ATG7: variants seen among roughly 807,000 people sequenced by gnomAD.
The protein encoded by ATG7 is ubiquitin-like modifier-activating enzyme ATG7.
In ATG7, 70 loss-of-function variants were observed where a neutral mutation model predicts 82.4. That is an observed-to-expected ratio of 0.85 (90% CI 0.70 to 1.04). The LOEUF (loss-of-function observed/expected upper bound fraction) is 1.04, where lower values mean the gene tolerates loss of function less well. Among genes scored for constraint, ATG7 ranks in the 50% least tolerant of loss-of-function variants. ATG7 has a pLI of 0.00. For synonymous variants in ATG7, 287 were observed against 313.0 expected, an observed-to-expected ratio of 0.92 and a Z score of 0.88; for missense variants, 792 against 864.3, an observed-to-expected ratio of 0.92 and a Z score of 1.05.
chr3:11,518,353 T>C (rs1055698857), intron 20 of ATG7, among the ~76,000 whole-genome samples: 1 of 152,014 alleles, frequency 6.6e-6, no homozygotes, highest in South Asian at 2.1e-4. Context: ...CGAGACCAGC[T>C]TGGCCAACAA....
chr3:11,561,804 C>A (rs1390797373), downstream of ATG7, among the ~76,000 whole-genome samples: 1 of 151,844 alleles, frequency 6.6e-6, no homozygotes, highest in African/African-American at 2.4e-5. Context: ...CCACCTGTGA[C>A]TGTCCTCAGA....
At chr3:11,562,749 G>T in the ATG7 span, among the ~76,000 whole-genome samples, 8 of 152,360 alleles carry the variant, frequency 5.3e-5, no homozygotes, top group South Asian at 1.7e-3. Context: ...ACCAACCCCA[G>T]CCGAAAATGA....
chr3:11,284,795 C>G (rs148484466), intron 3 of ATG7, among the ~76,000 whole-genome samples: 1,753 of 150,010 alleles, frequency 0.012, 20 homozygotes, highest in Non-Finnish European at 0.018. Context: ...AGTGATCATC[C>G]TGCTTTGGCC....
chr3:11,565,779 T>A, the ATG7 span, among the ~76,000 whole-genome samples: 1 of 152,180 alleles, frequency 6.6e-6, no homozygotes, highest in African/African-American at 2.4e-5. This position sits in a 1 kb window ranked among gnomAD's most constrained non-coding sequence, Gnocchi z 4.1. Context: ...ACCACCTCCA[T>A]CTGATGTGTT....
chr3:11,502,032 A>G (rs1273128896), intron 20 of ATG7, among the ~76,000 whole-genome samples: 4 of 43,462 alleles, frequency 9.2e-5, no homozygotes, highest in South Asian at 3.2e-3. Context: ...ACATATATAC[A>G]CACATACACA....
chr3:11,443,001 AT>A (rs1285760150), intron 20 of ATG7, among the ~76,000 whole-genome samples: 2 of 152,198 alleles, frequency 1.3e-5, no homozygotes, highest in Non-Finnish European at 2.9e-5. Context: ...TCCCAAAAAA[AT>A]CTGTGTAAAA....
intron 19 of ATG7, among the ~76,000 whole-genome samples, chr3:11,385,446 T>A (rs897272159): frequency 1.3e-5 from 2 of 152,274 alleles, no homozygotes; most frequent in African/African-American, 4.8e-5. Flanking sequence ...TAAACTGTTA[T>A]CTGTTAGCAG....
At chr3:11,364,781 A>G in intron 18 of ATG7, 47 bp downstream of exon 18, 7 of 1,598,200 alleles carry the variant, frequency 4.4e-6, no homozygotes, top group Non-Finnish European at 5.1e-6. Context: ...TACAGGGGGA[A>G]AGCATGTGGG....
intron 18 of ATG7, among the ~76,000 whole-genome samples, chr3:11,379,171 T>G (rs1575859335): frequency 6.6e-6 from 1 of 152,260 alleles, no homozygotes; most frequent in Middle Eastern, 3.4e-3. Flanking sequence ...TCAAATAAAT[T>G]AATTCATAAT....
At chr3:11,292,523 G>C (rs1394779152) in intron 3 of ATG7, among the ~76,000 whole-genome samples, 1 of 152,120 alleles carries the variant, frequency 6.6e-6, no homozygotes, top group Non-Finnish European at 1.5e-5. Flanking sequence ...GCCTCCCAAA[G>C]TGCTAGGATT....
At chr3:11,418,976 A>G in intron 19 of ATG7, among the ~76,000 whole-genome samples, 1 of 151,410 alleles carries the variant, frequency 6.6e-6, no homozygotes, top group Non-Finnish European at 1.5e-5. Flanking sequence ...CTCCCCCCCG[A>G]TCCAGTCACC....
chr3:11,565,738 T>G, the ATG7 span, among the ~76,000 whole-genome samples: 41 of 152,198 alleles, frequency 2.7e-4, 1 homozygote, highest in Non-Finnish European at 8.8e-5. The surrounding 1 kb of genome is among the most constrained non-coding windows in gnomAD (Gnocchi z 4.1). Flanking sequence ...ACCCAGGCGA[T>G]GCCACGTGGA....
At chr3:11,415,153 T>A (rs1432888564) in intron 19 of ATG7, among the ~76,000 whole-genome samples, 2 of 152,242 alleles carry the variant, frequency 1.3e-5, no homozygotes, top group Non-Finnish European at 2.9e-5. Context: ...CAACGGTAAG[T>A]ACTTGTGTAT....
At chr3:11,290,168 C>T (rs1944733678) in intron 3 of ATG7, among the ~76,000 whole-genome samples, 8 of 152,220 alleles carry the variant, frequency 5.3e-5, no homozygotes. Flanking sequence ...CTTAAAAACT[C>T]TCTCATGAAC....
intron 20 of ATG7, among the ~76,000 whole-genome samples, chr3:11,427,287 C>T (rs774811192): frequency 6.6e-6 from 1 of 152,048 alleles, no homozygotes; most frequent in Non-Finnish European, 1.5e-5. Context: ...ACATTGGACT[C>T]CAGCTATGTT....
At chr3:11,560,252 T>G (rs1469337476), downstream of ATG7, among the ~76,000 whole-genome samples, 1 of 152,230 alleles carries the variant, frequency 6.6e-6, no homozygotes, top group Non-Finnish European at 1.5e-5. Flanking sequence ...CCAGGCAGTA[T>G]GTCTGGCCCC....
At chr3:11,277,744 G>A (rs767726719) in intron 1 of ATG7, among the ~76,000 whole-genome samples, 1 of 152,090 alleles carries the variant, frequency 6.6e-6, no homozygotes, top group Non-Finnish European at 1.5e-5. Context: ...AACAGGGTTC[G>A]AGAGCAGAGA....
Position 11,457,582 on chromosome 3 carries a change from T to A in ATG7, c.2079+30656T>A, listed in dbSNP as rs558480879. ...TGTGAAAGAATTTGCATTCTTTGCC[T>A]CCGGATCAGGGGGAAACATTTCCGG... On this transcript the variant is annotated intron_variant, in intron 20 of 20. Coordinates refer to ENST00000693202, the MANE Select transcript of ATG7 (RefSeq NM_001349232.2). 3.3e-5 allele frequency among the ~76,000 whole-genome samples: 5 copies of A among 152,248 alleles called. No individual in the cohort carries two copies. In the East Asian group the frequency reaches 7.7e-4, roughly 23 times the overall value.
intron 20 of ATG7, among the ~76,000 whole-genome samples, 187 bp from the exon 21 acceptor site, chr3:11,554,624 C>G (rs1411643426): frequency 2.0e-5 from 3 of 152,158 alleles, no homozygotes; most frequent in Non-Finnish European, 4.4e-5. Flanking sequence ...GTGGTTCACA[C>G]ACTAGTGACG....
Sources: allele counts gnomAD v4.1 joint callset (sites outside exome capture counted in the v4.1 genomes callset), GRCh38; gene constraint gnomAD v4.1.1; non-coding constraint Gnocchi (gnomAD v3.1); transcripts MANE v1.5; gene names NCBI Gene and HGNC (gene_info 2026-07-23, HGNC 2026-07-21).